SMIM7: variants seen among roughly 807,000 people sequenced by gnomAD.
The protein encoded by SMIM7 is UPF0608 protein C19orf42.
Under a neutral mutation model 13.3 loss-of-function variants are expected in SMIM7, and 12 were observed. That is an observed-to-expected ratio of 0.90 (90% CI 0.58 to 1.46). The LOEUF is 1.46. Ranked by LOEUF, SMIM7 falls within the 40% of genes most tolerant of loss-of-function variation. SMIM7 has a pLI of 0.00. For synonymous variants in SMIM7, 36 were observed against 35.8 expected (o/e 1.01, Z -0.02); for missense variants, 114 against 94.8 (o/e 1.20, Z -0.84).
At chr19:16,653,059 G>C in intron 4 of SMIM7, 1 of 1,378,584 alleles carries the variant, frequency 7.3e-7, no homozygotes, top group Non-Finnish European at 9.8e-7. Context: ...GCAGTGTGCT[G>C]GACATTTAAA....
chr19:16,635,802 T>A (rs2086354422), intron 4 of SMIM7, among the ~76,000 whole-genome samples: 1 of 147,000 alleles, frequency 6.8e-6, no homozygotes. Context: ...GAGAGTCGCT[T>A]AAACCTGGGA....
At chr19:16,633,079 G>A (rs190147049) in intron 4 of SMIM7, among the ~76,000 whole-genome samples, 182 of 152,316 alleles carry the variant, frequency 1.2e-3, no homozygotes, top group African/African-American at 4.2e-3. Flanking sequence ...TGAATTAGAA[G>A]GCGCCACAGG....
At chr19:16,651,966 G>A (rs1168509145) in intron 4 of SMIM7, among the ~76,000 whole-genome samples, 6 of 144,186 alleles carry the variant, frequency 4.2e-5, no homozygotes, top group Non-Finnish European at 9.0e-5. Context: ...CCTTTGCAAA[G>A]ACGAGAATGA....
chr19:16,632,005 G>A (rs1437043569), intron 4 of SMIM7, among the ~76,000 whole-genome samples: 1 of 151,848 alleles, frequency 6.6e-6, no homozygotes, highest in Non-Finnish European at 1.5e-5. Context: ...GAGTAGCTGG[G>A]ACTACAGGCG....
At chr19:16,658,096 C>T (rs957709844) in intron 3 of SMIM7, among the ~76,000 whole-genome samples, 1 of 152,212 alleles carries the variant, frequency 6.6e-6, no homozygotes, top group African/African-American at 2.4e-5. Flanking sequence ...TCCATCATGG[C>T]ATCCACCGCC....
intron 4 of SMIM7, among the ~76,000 whole-genome samples, chr19:16,650,891 A>G (rs1203373545): frequency 6.6e-6 from 1 of 152,158 alleles, no homozygotes; most frequent in Admixed American, 6.6e-5. Context: ...AGGTTTATCC[A>G]TGGTTACTGC....
At chr19:16,641,236 G>A (rs1224073252), downstream of SMIM7, 8 of 151,708 alleles carry the variant, frequency 5.3e-5, no homozygotes, top group East Asian at 1.4e-3. Context: ...TAGTATGGAG[G>A]TTGCTAAAGC....
In SMIM7 at chr19:16,650,709, C is replaced by CAA. The variant is rs571019127; in HGVS notation, c.212+3324_212+3325dup. On this transcript the variant is annotated intron_variant, in intron 4 of 4. Transcript: ENST00000487416. ...TGGGTGACAGAGCAAGACTCCACCT[C>CAA]AAAAAAAAAAAAAAAAAGAAGAAAT... is the stretch of plus-strand genomic sequence containing the variant. Among the ~76,000 whole-genome samples the CAA allele has an allele frequency of 3.0e-3, 293 of 98,162 alleles. 3 individuals carry two copies. The highest frequency in any genetic ancestry group is 2.2e-3 in the African/African-American group (70 of 32,118). 64.4% of individuals were successfully genotyped at this position (98,162 alleles called of 152,430 possible).
At chr19:16,655,344 A>C (rs538025459) in intron 3 of SMIM7, 87 of 456,154 alleles carry the variant, frequency 1.9e-4, no homozygotes, top group African/African-American at 1.6e-3. Flanking sequence ...CAGGGTTTCC[A>C]GTCAATCACT....
At chr19:16,656,946 G>A (rs184229436) in intron 3 of SMIM7, among the ~76,000 whole-genome samples, 160 of 152,032 alleles carry the variant, frequency 1.1e-3, no homozygotes, top group Non-Finnish European at 1.9e-3. Flanking sequence ...CTGAGGAAGT[G>A]CCAGAGCTCC....
intron 4 of SMIM7, among the ~76,000 whole-genome samples, chr19:16,651,094 T>A (rs1488832581): frequency 6.6e-6 from 1 of 152,210 alleles, no homozygotes; most frequent in African/African-American, 2.4e-5. Flanking sequence ...ACTTAGGTGA[T>A]TTCCAGTTTT....
At chr19:16,652,809 AG>A in intron 4 of SMIM7, 1 of 1,542,500 alleles carries the variant, frequency 6.5e-7, no homozygotes, top group Non-Finnish European at 8.7e-7. Context: ...GGAAGCATAC[AG>A]GGATGGACCC....
At chr19:16,652,937 G>A in intron 4 of SMIM7, 1 of 1,550,548 alleles carries the variant, frequency 6.4e-7, no homozygotes. Flanking sequence ...TAGATGGAAA[G>A]GCAATCTGCT....
intron 3 of SMIM7, among the ~76,000 whole-genome samples, chr19:16,657,822 A>G (rs2086615780): frequency 1.3e-5 from 2 of 151,844 alleles, no homozygotes; most frequent in Admixed American, 6.6e-5. Context: ...TTTGAGACCA[A>G]GAGTTGGACA....
downstream of SMIM7, among the ~76,000 whole-genome samples, chr19:16,644,311 G>A (rs376798240): frequency 3.3e-5 from 5 of 151,788 alleles, no homozygotes; most frequent in East Asian, 3.9e-4. Flanking sequence ...TAGTAGAGAC[G>A]GGGTTTTGTC....
intron 4 of SMIM7, chr19:16,639,847 C>T (rs1168521761): frequency 6.6e-6 from 1 of 152,216 alleles, no homozygotes; most frequent in African/African-American, 2.4e-5. Context: ...CCCCATCCGC[C>T]ATGACTGTAA....
downstream of SMIM7, chr19:16,641,128 G>A (rs559763678): frequency 6.6e-6 from 1 of 152,258 alleles, no homozygotes; most frequent in African/African-American, 2.4e-5. Context: ...CACCCTAGTT[G>A]AGCGGTTGGC....
chr19:16,634,788 A>T (rs1371727137), intron 4 of SMIM7: 1 of 150,824 alleles, frequency 6.6e-6, no homozygotes, highest in Non-Finnish European at 1.5e-5. Context: ...AAAAAAAAAA[A>T]AAAAAAAAAA....
rs1398663638 is a variant in SMIM7 at position 16,646,963 on chromosome 19, A to G, written c.*283T>C. The G allele has an allele frequency of 1.3e-5, 7 of 528,092 alleles. No individual in the cohort carries two copies. Among genetic ancestry groups the G allele is most frequent in the Non-Finnish European group, 2.4e-5 (7 of 295,166 alleles). The allele number at this position is 528,092 out of a possible 1,614,324, so 32.7% of individuals were successfully genotyped here. On this transcript the variant is annotated 3_prime_UTR_variant, in exon 5 of 5. Coordinates refer to ENST00000487416, the MANE Select transcript of SMIM7 (RefSeq NM_024104.4). ...GATAGAAATGATTTTTCTTTTATCT[A>G]TGGGGAATGCAATTTCATCACAGCC...
Sources: allele counts gnomAD v4.1 joint callset (sites outside exome capture counted in the v4.1 genomes callset), GRCh38; gene constraint gnomAD v4.1.1; transcripts MANE v1.5; gene names NCBI Gene and HGNC (gene_info 2026-07-23, HGNC 2026-07-21).